UNC13C: variants seen among roughly 807,000 people sequenced by gnomAD.
UNC13C encodes the protein unc-13 homolog C.
In UNC13C, 174 loss-of-function variants were observed where a neutral mutation model predicts 245.4. The observed-to-expected ratio is 0.71, with a 90% CI of 0.63 to 0.80. The LOEUF is 0.80. Among genes scored for constraint, UNC13C ranks in the 30% least tolerant of loss-of-function variants. UNC13C has a pLI of 0.00. For synonymous variants in UNC13C, 992 were observed against 895.1 expected (o/e 1.11, Z -1.93); for missense variants, 2,829 against 2,602.9 (o/e 1.09, Z -1.89).
At chr15:54,023,710 A>G (rs770910557) in intron 2 of UNC13C, among the ~76,000 whole-genome samples, 3 of 152,234 alleles carry the variant, frequency 2.0e-5, no homozygotes, top group East Asian at 1.9e-4. Context: ...CTCCCAAACT[A>G]TAAGACTGGA....
At chr15:54,261,825 G>A (rs1029985190) in intron 8 of UNC13C, among the ~76,000 whole-genome samples, 1 of 152,136 alleles carries the variant, frequency 6.6e-6, no homozygotes, top group Non-Finnish European at 1.5e-5. Context: ...TTACAGGCTT[G>A]AGCCACCGCG....
chr15:53,854,201 A>G, the UNC13C span, among the ~76,000 whole-genome samples: 1 of 147,762 alleles, frequency 6.8e-6, no homozygotes, highest in African/African-American at 2.5e-5. Flanking sequence ...GCTCACTGCA[A>G]CTTCTGCCTC....
chr15:54,176,365 A>G (rs2033615429), intron 4 of UNC13C, among the ~76,000 whole-genome samples: 1 of 152,184 alleles, frequency 6.6e-6, no homozygotes, highest in Admixed American at 6.5e-5. Flanking sequence ...GAAACAATAT[A>G]ACTTTTAACT....
chr15:54,128,085 C>T (rs2031177008), intron 2 of UNC13C, among the ~76,000 whole-genome samples: 1 of 152,034 alleles, frequency 6.6e-6, no homozygotes, highest in Non-Finnish European at 1.5e-5. Context: ...GATATAAAAT[C>T]AGTAAAAATG....
intron 17 of UNC13C, among the ~76,000 whole-genome samples, chr15:54,347,908 T>A (rs866903954): frequency 7.2e-5 from 11 of 152,282 alleles, no homozygotes; most frequent in South Asian, 6.2e-4. Context: ...TTGTGTACAT[T>A]TATTACATAT....
intron 10 of UNC13C, among the ~76,000 whole-genome samples, chr15:54,289,852 A>G (rs533219757): frequency 2.0e-5 from 3 of 152,158 alleles, no homozygotes; most frequent in South Asian, 4.1e-4. Context: ...ACACTGTACC[A>G]CTTTGAGTTT....
At chr15:53,960,289 A>G in the UNC13C span, among the ~76,000 whole-genome samples, 4 of 151,464 alleles carry the variant, frequency 2.6e-5, no homozygotes, top group African/African-American at 9.7e-5. Flanking sequence ...ATGACCCTAG[A>G]GCAGACTAAC....
Position 54,407,997 on chromosome 15 carries a change from C to A in UNC13C, c.4848-6985C>A, listed in dbSNP as rs193108070. Among the ~76,000 whole-genome samples, 12 of 151,566 alleles carry A rather than the reference C, an allele frequency of 7.9e-5. No individual in the cohort carries two copies. The South Asian group carries it at 8.3e-4, about 10-fold the overall frequency. On this transcript the variant is annotated intron_variant, in intron 18 of 32. Coordinates refer to ENST00000260323, the MANE Select transcript of UNC13C (RefSeq NM_001080534.3). ...TGGGCAGATCATGAGGTCAGGAGAT[C>A]GAGACCATCCTGGTGAACACGGTGA...
At chr15:54,175,430 C>G (rs1255678915) in intron 4 of UNC13C, among the ~76,000 whole-genome samples, 5 of 152,022 alleles carry the variant, frequency 3.3e-5, no homozygotes, top group Admixed American at 6.6e-5. Context: ...GTGAGTCTTC[C>G]CTGGTACCAA....
At chr15:54,019,473 A>G (rs1330067738) in intron 2 of UNC13C, among the ~76,000 whole-genome samples, 3 of 152,230 alleles carry the variant, frequency 2.0e-5, no homozygotes, top group Non-Finnish European at 1.5e-5. Context: ...TTCATTTTAT[A>G]AATCAAGATT....
At chr15:54,108,953 G>A (rs1356240525) in intron 2 of UNC13C, among the ~76,000 whole-genome samples, 1 of 152,154 alleles carries the variant, frequency 6.6e-6, no homozygotes, top group Non-Finnish European at 1.5e-5. Context: ...TAGCCTGGCG[G>A]AATTCTGATG....
chr15:53,928,336 G>A, the UNC13C span, among the ~76,000 whole-genome samples: 1 of 152,224 alleles, frequency 6.6e-6, no homozygotes, highest in Non-Finnish European at 1.5e-5. Flanking sequence ...ACTGCAGCAG[G>A]AACAGGCCCT....
chr15:54,536,383 C>T (rs1895982058), intron 26 of UNC13C, among the ~76,000 whole-genome samples: 1 of 151,998 alleles, frequency 6.6e-6, no homozygotes, highest in Admixed American at 6.6e-5. Flanking sequence ...GATGGATTCA[C>T]AGCCAAATTT....
chr15:54,312,222 A>T (rs1567178921), intron 13 of UNC13C, among the ~76,000 whole-genome samples: 1 of 150,296 alleles, frequency 6.7e-6, no homozygotes, highest in South Asian at 2.1e-4. Flanking sequence ...TTTGGTGTGC[A>T]TGTGTGTGTG....
At chr15:54,258,099 G>A (rs1308188950) in intron 8 of UNC13C, among the ~76,000 whole-genome samples, 2 of 152,034 alleles carry the variant, frequency 1.3e-5, no homozygotes, top group Non-Finnish European at 2.9e-5. Context: ...GCTTTCAATG[G>A]ATGTTAACCA....
chr15:53,878,876 G>A, the UNC13C span, among the ~76,000 whole-genome samples: 2 of 143,908 alleles, frequency 1.4e-5, no homozygotes, highest in Non-Finnish European at 3.2e-5. Flanking sequence ...TGAATATGCA[G>A]ATAGAAGCCA....
chr15:54,236,545 A>T (rs1200875586), intron 6 of UNC13C, 110 bp downstream of exon 6: 4 of 831,958 alleles, frequency 4.8e-6, no homozygotes, highest in Middle Eastern at 2.3e-4. Flanking sequence ...AAAGACAGAC[A>T]TACAAGAATA....
At chr15:53,919,849 TTGAG>T in the UNC13C span, among the ~76,000 whole-genome samples, 1 of 150,590 alleles carries the variant, frequency 6.6e-6, no homozygotes, top group South Asian at 2.1e-4. Context: ...AGTCAGACTC[TTGAG>T]TATTTATGTA....
the UNC13C span, among the ~76,000 whole-genome samples, chr15:53,874,408 C>T: frequency 6.6e-6 from 1 of 152,180 alleles, no homozygotes; most frequent in African/African-American, 2.4e-5. Context: ...TGGAAAGTGG[C>T]AGTACCAGGA....
Sources: allele counts gnomAD v4.1 joint callset (sites outside exome capture counted in the v4.1 genomes callset), GRCh38; gene constraint gnomAD v4.1.1; transcripts MANE v1.5; gene names NCBI Gene and HGNC (gene_info 2026-07-23, HGNC 2026-07-21).